The following EYA1 variants were observed in gnomAD, a reference collection of about 807,000 sequenced individuals.
EYA1 encodes EYA transcriptional coactivator and phosphatase 1.
Under a neutral mutation model 82.0 loss-of-function variants are expected in EYA1, and 16 were observed. The observed-to-expected ratio is 0.20, with a 90% CI of 0.13 to 0.30. EYA1 has a LOEUF of 0.30. EYA1 is among the 10% of genes least tolerant of loss of function. EYA1 has a pLI of 1.00. For missense variants in EYA1, 633 were observed against 730.7 expected (o/e 0.87, Z 1.54); for synonymous variants, 261 against 264.4 (o/e 0.99, Z 0.12).
chr8:71,547,173 T>C (rs1815690682), intron 1 of EYA1, among the ~76,000 whole-genome samples: 1 of 152,216 alleles, frequency 6.6e-6, no homozygotes, highest in East Asian at 1.9e-4. Flanking sequence ...AAACCACTTT[T>C]GGCCAAAGGA....
At chr8:71,248,553 C>G (rs1446726044) in intron 11 of EYA1, among the ~76,000 whole-genome samples, 1 of 152,126 alleles carries the variant, frequency 6.6e-6, no homozygotes, top group African/African-American at 2.4e-5. Flanking sequence ...ACTTTAGAAA[C>G]AGAGCACGGA....
chr8:71,521,100 A>C (rs1813367336), intron 2 of EYA1, among the ~76,000 whole-genome samples: 3 of 152,124 alleles, frequency 2.0e-5, no homozygotes, highest in Admixed American at 2.0e-4. Flanking sequence ...TTTCTAATTC[A>C]AATTAAGCCA....
At chr8:71,377,231 C>T (rs1828426013) in intron 2 of EYA1, among the ~76,000 whole-genome samples, 1 of 152,166 alleles carries the variant, frequency 6.6e-6, no homozygotes, top group Non-Finnish European at 1.5e-5. Flanking sequence ...GAAGCCCAAG[C>T]TATCTATGTG....
Position 71,356,463 on chromosome 8 carries a change from T to C in EYA1, c.-6A>G, listed in dbSNP as rs1234380639. ...GTCAAATATCAACAATATCCTTACCTGCAACTTGAGGAAACAGCAACATCT... is the reference window on the plus strand; with the variant it reads ...GTCAAATATCAACAATATCCTTACCCGCAACTTGAGGAAACAGCAACATCT... On this transcript the variant is annotated splice_region_variant and 5_prime_UTR_variant, in exon 2 of 18. Coordinates refer to ENST00000340726, the MANE Select transcript of EYA1 (RefSeq NM_000503.6). 1 of 1,584,154 alleles carries C rather than the reference T, an allele frequency of 6.3e-7. No individual in the cohort carries two copies. The highest frequency in any genetic ancestry group is 1.2e-5 in the South Asian group (1 of 86,172).
intron 2 of EYA1, among the ~76,000 whole-genome samples, chr8:71,480,355 G>A (rs1177316491): frequency 2.6e-5 from 4 of 152,052 alleles, no homozygotes; most frequent in Admixed American, 1.3e-4. Context: ...TACAAAATGG[G>A]GCCCAGGGAA....
In EYA1 at chr8:71,494,195, T is replaced by C. The variant is rs192726487; in HGVS notation, c.33+41549A>G. On this transcript the variant is annotated intron_variant, in intron 2 of 18. Transcript: ENST00000643681. Reference sequence around the variant, plus strand: ...GGCATATAATTTCACATTCTGACTTTGTACATCTGAAATTAGACAGTGGTT... The same window carrying C: ...GGCATATAATTTCACATTCTGACTTCGTACATCTGAAATTAGACAGTGGTT... Among the ~76,000 whole-genome samples, 7 of 152,268 alleles carry C rather than the reference T, an allele frequency of 4.6e-5. No homozygotes were observed. In the East Asian group the frequency reaches 7.7e-4, roughly 17 times the overall value.
chr8:71,314,925 T>C (rs1489411961), intron 7 of EYA1, among the ~76,000 whole-genome samples: 5 of 152,234 alleles, frequency 3.3e-5, no homozygotes, highest in Non-Finnish European at 4.4e-5. Context: ...CATGTCCTTA[T>C]TTCTTTTAAA....
At chr8:71,345,045 G>A (rs140290694) in intron 3 of EYA1, among the ~76,000 whole-genome samples, 33 of 152,278 alleles carry the variant, frequency 2.2e-4, no homozygotes, top group African/African-American at 7.7e-4. Context: ...GATCCCAAAG[G>A]AGGAGAATAT....
chr8:71,336,592 C>T (rs1358129152), intron 3 of EYA1, among the ~76,000 whole-genome samples: 1 of 152,178 alleles, frequency 6.6e-6, no homozygotes, highest in Non-Finnish European at 1.5e-5. Context: ...TCGAATGTAG[C>T]CTTCACTCCC....
chr8:71,281,327 T>A (rs550424157), intron 9 of EYA1, among the ~76,000 whole-genome samples: 78 of 152,330 alleles, frequency 5.1e-4, no homozygotes, highest in African/African-American at 1.8e-3. Flanking sequence ...TGAAGCTCCC[T>A]CTGTCCCACC....
chr8:71,505,345 A>C (rs1052474551), intron 2 of EYA1, among the ~76,000 whole-genome samples: 8 of 152,222 alleles, frequency 5.3e-5, no homozygotes, highest in Non-Finnish European at 1.2e-4. Flanking sequence ...AGACATGACT[A>C]GAGAGTACTG....
At chr8:71,438,089 G>T (rs1806138229) in intron 2 of EYA1, among the ~76,000 whole-genome samples, 2 of 152,116 alleles carry the variant, frequency 1.3e-5, no homozygotes, top group Admixed American at 6.6e-5. Flanking sequence ...GTATCAAGAA[G>T]TGACCTCCCA....
intron 2 of EYA1, among the ~76,000 whole-genome samples, chr8:71,414,022 A>G (rs1382734819): frequency 6.6e-6 from 1 of 152,214 alleles, no homozygotes; most frequent in Non-Finnish European, 1.5e-5. Flanking sequence ...GGTAGGAAAG[A>G]AAGTAGAATT....
chr8:71,523,976 C>A (rs1305241890), intron 2 of EYA1, among the ~76,000 whole-genome samples: 1 of 152,020 alleles, frequency 6.6e-6, no homozygotes, highest in Non-Finnish European at 1.5e-5. Context: ...CACTTCTTTC[C>A]CCAAGTAATT....
chr8:71,393,883 T>C (rs994796936), intron 2 of EYA1, among the ~76,000 whole-genome samples: 3 of 152,234 alleles, frequency 2.0e-5, no homozygotes, highest in Non-Finnish European at 2.9e-5. Flanking sequence ...TCTTCCACAA[T>C]GGTTGAACCA....
At chr8:71,287,336 G>A (rs1818503626) in intron 9 of EYA1, among the ~76,000 whole-genome samples, 2 of 152,180 alleles carry the variant, frequency 1.3e-5, no homozygotes, top group Admixed American at 1.3e-4. Flanking sequence ...GGGATAACCA[G>A]TAGTCCGAGA....
chr8:71,288,942 G>C (rs1315603317), intron 9 of EYA1, among the ~76,000 whole-genome samples: 1 of 152,186 alleles, frequency 6.6e-6, no homozygotes, highest in African/African-American at 2.4e-5. Context: ...TTTTAAAAGT[G>C]TTAGAAGGTG....
At chr8:71,535,604 T>C (rs964643842) in intron 2 of EYA1, 6 of 584,906 alleles carry the variant, frequency 1.0e-5, no homozygotes, top group South Asian at 2.5e-5. Context: ...ACTTAATTCA[T>C]AACCTTCAAA....
intron 2 of EYA1, among the ~76,000 whole-genome samples, chr8:71,438,887 T>C (rs1221056915): frequency 1.3e-5 from 2 of 152,296 alleles, no homozygotes; most frequent in East Asian, 3.9e-4. Context: ...TTTGTGGATC[T>C]GACAGGTCAC....
Sources: gnomAD v4.1 joint callset for allele counts (sites outside exome capture counted in the v4.1 genomes callset) on GRCh38, gnomAD v4.1.1 for gene constraint, MANE v1.5 for transcripts, NCBI Gene and HGNC (gene_info 2026-07-23, HGNC 2026-07-21) for gene names.